The following IRAK2 variants were observed in gnomAD, a reference collection of about 807,000 sequenced individuals.
The protein encoded by IRAK2 is interleukin 1 receptor associated kinase 2.
In IRAK2, 57 loss-of-function variants were observed where a neutral mutation model predicts 72.0. That is an observed-to-expected ratio of 0.79 (90% CI 0.64 to 0.99). The LOEUF is 0.99. Ranked by LOEUF, IRAK2 falls within the 50% of genes least tolerant of loss-of-function variation. The pLI, the probability that IRAK2 is intolerant of heterozygous loss-of-function variation, is 0.00. For missense variants in IRAK2, 790 were observed against 794.4 expected, an observed-to-expected ratio of 0.99 and a Z score of 0.07; for synonymous variants, 293 against 312.7, an observed-to-expected ratio of 0.94 and a Z score of 0.67.
In IRAK2 at chr3:10,213,210, T is replaced by G. The variant is rs1697550165; in HGVS notation, c.532T>G (p.Phe178Val). ...TCTCTTCTCTCTGGGTCTCCAGGAC[T>G]TCAGCACCTCCATTCCTAAGCAGGA... is the stretch of plus-strand genomic sequence containing the variant. ...DLPTSSDSKD[F>V]STSIPKQEKL... The change falls in exon 5 of 13, where the codon TTC becomes GTC. Residue 178 changes from phenylalanine to valine, a missense_variant. By Grantham distance (50) the Phe-to-Val change is conservative. Transcript: ENST00000256458. 6.2e-7 allele frequency: 1 copy of G among 1,613,962 alleles called. No individual in the cohort carries two copies. The highest frequency in any genetic ancestry group is 8.5e-7 in the Non-Finnish European group (1 of 1,179,868).
At chr3:10,240,558 C>CCCCCCCCCCTT (rs1274154130) in intron 12 of IRAK2, among the ~76,000 whole-genome samples, 2 of 18,066 alleles carry the variant, frequency 1.1e-4, no homozygotes, top group African/African-American at 3.4e-4. Context: ...CCCCCCCCGC[C>CCCCCCCCCCTT]TTTTTTTTTT....
rs779225225 is a variant in IRAK2 at position 10,239,001 on chromosome 3, C to G, written c.1727C>G (p.Ser576Cys). 1 of 1,612,396 alleles carries G rather than the reference C, an allele frequency of 6.2e-7. No homozygotes were observed. The highest frequency in any genetic ancestry group is 1.1e-5 in the South Asian group (1 of 91,046). The change falls in exon 12 of 13, where the codon TCC becomes TGC. Residue 576 changes from serine (S) to cysteine (C), a missense_variant. Ser to Cys is a moderately radical substitution (Grantham distance 112, BLOSUM62 -1). Transcript: ENST00000256458. ...ATCGTGGGAAGGGAGGCTGACTCCT[C>G]CTCTGAGGCCTGTGTTGGCCTGGAG... ...RVIVGREADS[S>C]SEACVGLEPP...
chr3:10,200,819 C>G (rs1021479635), intron 3 of IRAK2, among the ~76,000 whole-genome samples: 1 of 152,056 alleles, frequency 6.6e-6, no homozygotes, highest in Non-Finnish European at 1.5e-5. Context: ...GGGGATTGCT[C>G]GAGCCCAGGA....
At chr3:10,209,250 A>G (rs1484608315) in intron 3 of IRAK2, among the ~76,000 whole-genome samples, 3 of 152,212 alleles carry the variant, frequency 2.0e-5, no homozygotes, top group African/African-American at 4.8e-5. Flanking sequence ...AGGAGGTGAG[A>G]TAGTGCAGGG....
At chr3:10,171,065 C>T (rs1262928458) in intron 1 of IRAK2, among the ~76,000 whole-genome samples, 1 of 152,334 alleles carries the variant, frequency 6.6e-6, no homozygotes, top group East Asian at 1.9e-4. Context: ...AGATCCGACA[C>T]TTGTTGGCAG....
At chr3:10,230,023 CT>C (rs1380700286) in intron 10 of IRAK2, among the ~76,000 whole-genome samples, 1 of 151,994 alleles carries the variant, frequency 6.6e-6, no homozygotes, top group East Asian at 1.9e-4. Flanking sequence ...TCGCTTGAAC[CT>C]GGGAGGCAGA....
chr3:10,182,065 T>C (rs1244133835), intron 2 of IRAK2, among the ~76,000 whole-genome samples: 2 of 151,370 alleles, frequency 1.3e-5, no homozygotes, highest in Non-Finnish European at 2.9e-5. Context: ...CCTCCCAGGT[T>C]CAAGCGATTC....
rs1282700704 is a variant in IRAK2 at position 10,189,042 on chromosome 3, C to T, written c.277+11022C>T. ...AAAACACAGCCAAGGTCTCAGGCCT[C>T]ATGGAGCTTACAGTCCAGTGGGAGA... On this transcript the variant is annotated intron_variant, in intron 2 of 12. Coordinates refer to ENST00000256458, the MANE Select transcript of IRAK2 (RefSeq NM_001570.4). Among the ~76,000 whole-genome samples, 2 of 152,230 alleles carry T rather than the reference C, an allele frequency of 1.3e-5. 1 individual carries two copies. Among genetic ancestry groups the T allele is most frequent in the Admixed American group, 1.3e-4 (2 of 15,282 alleles).
chr3:10,213,115 A>C (rs535882983), intron 4 of IRAK2, 92 bp from the exon 5 acceptor site: 2 of 1,067,176 alleles, frequency 1.9e-6, no homozygotes, highest in East Asian at 4.8e-5. Flanking sequence ...GATCCCCTCC[A>C]TCCCTCCATC....
At chr3:10,194,943 T>G (rs1326255769) in intron 2 of IRAK2, among the ~76,000 whole-genome samples, 1 of 152,132 alleles carries the variant, frequency 6.6e-6, no homozygotes, top group Non-Finnish European at 1.5e-5. Context: ...GGAGGGTGGA[T>G]GTTAGCCCCA....
At chr3:10,213,707 G>T (rs188499625) in intron 6 of IRAK2, among the ~76,000 whole-genome samples, 159 bp downstream of exon 6, 4 of 152,228 alleles carry the variant, frequency 2.6e-5, no homozygotes, top group Non-Finnish European at 1.5e-5. Context: ...TTTTACAGAT[G>T]GGTAAATTGA....
intron 1 of IRAK2, among the ~76,000 whole-genome samples, chr3:10,170,623 T>C (rs1696779946): frequency 6.6e-6 from 1 of 152,208 alleles, no homozygotes; most frequent in South Asian, 2.1e-4. Flanking sequence ...GGAAGCCCCG[T>C]GCGGGCAGGG....
intron 12 of IRAK2, among the ~76,000 whole-genome samples, chr3:10,241,161 G>A (rs1698053345): frequency 6.6e-6 from 1 of 151,648 alleles, no homozygotes; most frequent in Non-Finnish European, 1.5e-5. Flanking sequence ...TGTAATCCTA[G>A]TACTTCGGGA....
intron 3 of IRAK2, among the ~76,000 whole-genome samples, chr3:10,206,334 G>A (rs1697432991): frequency 6.6e-6 from 1 of 152,146 alleles, no homozygotes; most frequent in South Asian, 2.1e-4. Flanking sequence ...CCACAGCCAG[G>A]CCCGCAGATA....
intron 2 of IRAK2, among the ~76,000 whole-genome samples, chr3:10,189,628 T>G (rs1239442955): frequency 6.6e-6 from 1 of 152,242 alleles, no homozygotes. Context: ...TTCTTGGTTG[T>G]GCAACTCTTG....
rs79501024 is a variant in IRAK2 at position 10,195,687 on chromosome 3, A to G, written c.278-4682A>G. Among the ~76,000 whole-genome samples, 739 of 152,250 alleles carry G rather than the reference A, an allele frequency of 4.9e-3. 26 individuals carry two copies. The South Asian group carries it at 0.083, about 17-fold the overall frequency. ...AGGAGAAGGTGCCTCATTTGCTGGGATCATGGGCGGTTCTGGGTGTAGGTG... is the reference window on the plus strand; with the variant it reads ...AGGAGAAGGTGCCTCATTTGCTGGGGTCATGGGCGGTTCTGGGTGTAGGTG... On this transcript the variant is annotated intron_variant, in intron 2 of 12. Coordinates refer to ENST00000256458, the MANE Select transcript of IRAK2 (RefSeq NM_001570.4).
intron 4 of IRAK2, 47 bp downstream of exon 4, chr3:10,209,739 T>G: frequency 1.7e-6 from 2 of 1,177,362 alleles, no homozygotes; most frequent in Non-Finnish European, 2.3e-6. Context: ...TCTCCCAGCG[T>G]GTAGTTCCCT....
At chr3:10,171,769 CTTT>C (rs145535598) in intron 1 of IRAK2, among the ~76,000 whole-genome samples, 1 of 138,066 alleles carries the variant, frequency 7.2e-6, no homozygotes, top group Non-Finnish European at 1.6e-5. Flanking sequence ...TGCACCCAGC[CTTT>C]TTTTTTTTTT....
intron 1 of IRAK2, among the ~76,000 whole-genome samples, chr3:10,171,150 A>T (rs919323522): frequency 2.0e-5 from 3 of 152,132 alleles, no homozygotes; most frequent in African/African-American, 7.2e-5. Context: ...GCCTGTGTAA[A>T]AAGGGTTTCC....
Sources: gnomAD v4.1 joint callset for allele counts (sites outside exome capture counted in the v4.1 genomes callset) on GRCh38, gnomAD v4.1.1 for gene constraint, MANE v1.5 for transcripts, NCBI Gene and HGNC (gene_info 2026-07-23, HGNC 2026-07-21) for gene names.